The following TOLLIP variants were observed in gnomAD, a reference collection of about 807,000 sequenced individuals.
TOLLIP encodes toll interacting protein, also known as toll-interacting protein.
A neutral mutation model predicts 33.5 loss-of-function variants in TOLLIP; 16 were observed. The ratio of observed to expected loss-of-function variants is 0.48; its 90% CI spans 0.32 to 0.72. TOLLIP has a LOEUF of 0.72. Ranked by LOEUF, TOLLIP falls within the 30% of genes least tolerant of loss-of-function variation. The pLI is 0.03. For synonymous variants in TOLLIP, 176 were observed against 163.7 expected (o/e 1.07, Z -0.57); for missense variants, 325 against 396.6 (o/e 0.82, Z 1.53).
Position 1,288,793 on chromosome 11 carries a change from G to A in TOLLIP, c.367-17C>T. The A allele has an allele frequency of 1.9e-6, 3 of 1,608,546 alleles. No homozygotes were observed. The highest frequency in any genetic ancestry group is 1.3e-5 in the African/African-American group (1 of 74,954). On this transcript the variant is annotated splice_polypyrimidine_tract_variant and intron_variant, in intron 3 of 5. Coordinates refer to ENST00000317204, the MANE Select transcript of TOLLIP (RefSeq NM_019009.4). ...GAAGGCTCTCTGCGGGAGACAAGAG[G>A]GAGAGGCCCCAGGCATCAGGGAAGG...
intron 5 of TOLLIP, among the ~76,000 whole-genome samples, chr11:1,280,608 C>T (rs1374350858): frequency 1.3e-5 from 2 of 152,062 alleles, no homozygotes; most frequent in Admixed American, 6.5e-5. Flanking sequence ...GCTGCAGCCA[C>T]GGTGAGCACA....
Position 1,276,463 on chromosome 11 carries a change from G to A in TOLLIP, c.*576C>T, listed in dbSNP as rs1242774862. On this transcript the variant is annotated 3_prime_UTR_variant, in exon 6 of 6. Transcript: ENST00000317204. ...ACAAGGCTGGCTGGACAGTGGCCAG[G>A]TGAGCCAGGCCAGAGGCCGGCCCCA... The A allele has an allele frequency of 5.9e-6, 2 of 336,340 alleles. No individual in the cohort carries two copies. The highest frequency in any genetic ancestry group is 8.0e-5 in the Admixed American group (2 of 25,092). The allele number at this position is 336,340 out of a possible 1,614,324, so 20.8% of individuals were successfully genotyped here.
At chr11:1,308,941 C>A (rs1177699893) in intron 1 of TOLLIP, among the ~76,000 whole-genome samples, 2 of 151,706 alleles carry the variant, frequency 1.3e-5, no homozygotes, top group Non-Finnish European at 2.9e-5. Context: ...GGTGCGGGAC[C>A]CGCCTCCACC....
At position 1,288,934 on chromosome 11, in the gene TOLLIP, G is replaced by A. The variant is rs5743967; in HGVS notation, c.367-158C>T. ...CCATCGATGAGACCCCTCGGGCAGCGCAGGCTTCACGATCGTATATCAGCC... is the reference window on the plus strand; with the variant it reads ...CCATCGATGAGACCCCTCGGGCAGCACAGGCTTCACGATCGTATATCAGCC... On this transcript the variant is annotated intron_variant, in intron 3 of 5. Coordinates refer to ENST00000317204, the MANE Select transcript of TOLLIP (RefSeq NM_019009.4). 6.2e-3 allele frequency among the ~76,000 whole-genome samples: 946 copies of A among 152,360 alleles called. 8 individuals carry two copies. Among genetic ancestry groups the A allele is most frequent in the African/African-American group, 0.022 (898 of 41,586 alleles).
chr11:1,308,374 G>A (rs1373226221), intron 1 of TOLLIP, among the ~76,000 whole-genome samples: 1 of 152,220 alleles, frequency 6.6e-6, no homozygotes, highest in African/African-American at 2.4e-5. Context: ...TTGGCCTTCC[G>A]CCATGACTGG....
At chr11:1,302,756 A>G (rs1182573650) in intron 1 of TOLLIP, 1 of 985,508 alleles carries the variant, frequency 1.0e-6, no homozygotes, top group African/African-American at 1.7e-5. Flanking sequence ...CATTTCATGC[A>G]ACTGCTCTTG....
At chr11:1,300,959 G>A (rs1186083336) in intron 1 of TOLLIP, among the ~76,000 whole-genome samples, 1 of 152,234 alleles carries the variant, frequency 6.6e-6, no homozygotes, top group South Asian at 2.1e-4. Context: ...TGTGTGCCAC[G>A]CATGCACCTG....
At position 1,288,874 on chromosome 11, in the gene TOLLIP, A is replaced by G. The variant is rs1437054323; in HGVS notation, c.367-98T>C. 3.2e-5 allele frequency: 44 copies of G among 1,385,976 alleles called. No individual in the cohort carries two copies. In the East Asian group the frequency reaches 1.0e-3, roughly 32 times the overall value. 85.9% of individuals were successfully genotyped at this position (1,385,976 alleles called of 1,614,324 possible). ...TGGGCCCGCCTCGAGTCCCCGTCTT[A>G]TCTGTGGAACAGGGCTCCCACCTGC... On this transcript the variant is annotated intron_variant, in intron 3 of 5. Coordinates refer to ENST00000317204, the MANE Select transcript of TOLLIP (RefSeq NM_019009.4).
chr11:1,295,521 A>T, intron 2 of TOLLIP, 124 bp downstream of exon 2: 2 of 1,241,306 alleles, frequency 1.6e-6, no homozygotes, highest in Non-Finnish European at 2.2e-6. Context: ...AGGTTTCAGG[A>T]AAAGCGGGAA....
rs769926714 is a variant in TOLLIP at position 1,309,512 on chromosome 11, C to G, written c.-14G>C. On this transcript the variant is annotated 5_prime_UTR_variant, in exon 1 of 6. Transcript: ENST00000317204. Reference sequence around the variant, plus strand: ...GGTGGTCGCCATGGTGCTGCGGCGGCCCCCGTGGCTCGCCGACCCGACAGT... The same window carrying G: ...GGTGGTCGCCATGGTGCTGCGGCGGGCCCCGTGGCTCGCCGACCCGACAGT... 5 of 1,300,072 alleles carry G rather than the reference C, an allele frequency of 3.8e-6. No homozygotes were observed. The highest frequency in any genetic ancestry group is 6.7e-5 in the East Asian group (2 of 29,838). The allele number at this position is 1,300,072 out of a possible 1,614,324, so 80.5% of individuals were successfully genotyped here.
intron 3 of TOLLIP, among the ~76,000 whole-genome samples, chr11:1,289,261 A>G (rs1863852355): frequency 6.6e-6 from 1 of 152,198 alleles, no homozygotes; most frequent in Non-Finnish European, 1.5e-5. Flanking sequence ...GAAAGCAGGT[A>G]GGGACGGGGA....
chr11:1,281,696 C>A (rs927228404), intron 5 of TOLLIP, among the ~76,000 whole-genome samples: 1 of 152,240 alleles, frequency 6.6e-6, no homozygotes, highest in African/African-American at 2.4e-5. Flanking sequence ...GGCCGCCCTG[C>A]GTGCACACAG....
Position 1,288,761 on chromosome 11 carries a change from C to G in TOLLIP, c.382G>C (p.Asp128His). 1 of 1,612,410 alleles carries G rather than the reference C, an allele frequency of 6.2e-7. No homozygotes were observed. Among genetic ancestry groups the G allele is most frequent in the Non-Finnish European group, 8.5e-7 (1 of 1,179,612 alleles). ...ATGTGGGTCCAGGCAATGCGGTCGT[C>G]CATGGAGAAGGCTCTCTGCGGGAGA... ...EIFDERAFSM[D>H]DRIAWTHITI... Residue 128 changes from aspartate to histidine, a missense_variant, in exon 4 of 6, where the codon GAC (aspartate) becomes CAC (histidine). Transcript: ENST00000317204.
intron 1 of TOLLIP, among the ~76,000 whole-genome samples, chr11:1,297,325 AC>A (rs937641136): frequency 6.6e-6 from 1 of 151,898 alleles, no homozygotes; most frequent in Non-Finnish European, 1.5e-5. Context: ...ACTTCAAAGG[AC>A]CCCGAGAGGG....
Position 1,275,351 on chromosome 11 carries a change from G to C in TOLLIP, c.*1688C>G, listed in dbSNP as rs1266948369. 1.3e-5 allele frequency: 2 copies of C among 152,256 alleles called. No homozygotes were observed. The highest frequency in any genetic ancestry group is 4.8e-5 in the African/African-American group (2 of 41,464). 9.4% of individuals were successfully genotyped at this position (152,256 alleles called of 1,614,324 possible). On this transcript the variant is annotated 3_prime_UTR_variant, in exon 6 of 6. Coordinates refer to ENST00000317204, the MANE Select transcript of TOLLIP (RefSeq NM_019009.4). ...CAGCACAGTGAGGCCTCTGAGTGTG[G>C]CTTGTGGTCTGTCCTGGGTTAGAGT...
chr11:1,279,190 G>A (rs934342005), intron 5 of TOLLIP, among the ~76,000 whole-genome samples: 2 of 152,226 alleles, frequency 1.3e-5, no homozygotes, highest in Non-Finnish European at 2.9e-5. Flanking sequence ...GAGGGGATGT[G>A]GCGCCGACTG....
At chr11:1,280,469 G>A (rs920841594) in intron 5 of TOLLIP, among the ~76,000 whole-genome samples, 5 of 152,148 alleles carry the variant, frequency 3.3e-5, no homozygotes, top group African/African-American at 4.8e-5. Context: ...CCACAGAGAC[G>A]CAGGCCAGGA....
intron 1 of TOLLIP, among the ~76,000 whole-genome samples, chr11:1,300,005 T>C (rs1478556006): frequency 6.6e-6 from 1 of 152,224 alleles, no homozygotes; most frequent in Non-Finnish European, 1.5e-5. Flanking sequence ...TGGAGGAGCA[T>C]TCAGGAATGG....
chr11:1,275,540 T>C lies in TOLLIP; in HGVS notation c.*1499A>G, dbSNP rs1030628860. On this transcript the variant is annotated 3_prime_UTR_variant, in exon 6 of 6. Coordinates refer to ENST00000317204, the MANE Select transcript of TOLLIP (RefSeq NM_019009.4). ...GTCGGCGTCTGCTGAACAAATACCA[T>C]GTCTTTCTTCTTCAAAGGATCAAAG... The C allele has an allele frequency of 2.0e-5, 3 of 152,134 alleles. No individual in the cohort carries two copies. The East Asian group carries it at 5.8e-4, about 29-fold the overall frequency. 9.4% of individuals were successfully genotyped at this position (152,134 alleles called of 1,614,324 possible).
Sources: gnomAD v4.1 joint callset for allele counts (sites outside exome capture counted in the v4.1 genomes callset) on GRCh38, gnomAD v4.1.1 for gene constraint, MANE v1.5 for transcripts, NCBI Gene and HGNC (gene_info 2026-07-23, HGNC 2026-07-21) for gene names.